The following COL5A1 variants were observed in gnomAD, a reference collection of about 807,000 sequenced individuals.
COL5A1 encodes the protein collagen type V alpha 1 chain.
COL5A1 carries 16 observed loss-of-function variants against 263.7 expected under a neutral mutation model. The observed-to-expected ratio is 0.06, with a 90% confidence interval of 0.04 to 0.09. COL5A1 has a LOEUF of 0.09. Among genes scored for constraint, COL5A1 ranks in the 10% least tolerant of loss-of-function variants. The pLI is 1.00. For missense variants in COL5A1, 2,036 were observed against 2,540.5 expected, an observed-to-expected ratio of 0.80 and a Z score of 4.27; for synonymous variants, 1,012 against 1,004.5, an observed-to-expected ratio of 1.01 and a Z score of -0.14.
At chr9:134,703,934 C>T (rs138377754) in intron 4 of COL5A1, among the ~76,000 whole-genome samples, 187 of 152,202 alleles carry the variant, frequency 1.2e-3, no homozygotes, top group African/African-American at 4.1e-3. Flanking sequence ...CCACCGCGCC[C>T]GGCCTCAGGG....
At chr9:134,724,723 C>T (rs1433170036) in intron 4 of COL5A1, among the ~76,000 whole-genome samples, 3 of 152,142 alleles carry the variant, frequency 2.0e-5, no homozygotes, top group Non-Finnish European at 4.4e-5. Flanking sequence ...AGCGCAAAGC[C>T]ACGTCACAGC....
rs1287630115 is a variant in COL5A1 at position 134,728,750 on chromosome 9, G to A, written c.867G>A (p.Glu289=). 1 of 1,614,086 alleles carries A rather than the reference G, an allele frequency of 6.2e-7. No individual in the cohort carries two copies. The highest frequency in any genetic ancestry group is 8.5e-7 in the Non-Finnish European group (1 of 1,180,044). Reference sequence around the variant, plus strand: ...AAGACCCCGAAGACCTAGGGAAGGAGCCCACCCCCAGCAAGAAGCCCGTGG... The same window carrying A: ...AAGACCCCGAAGACCTAGGGAAGGAACCCACCCCCAGCAAGAAGCCCGTGG... The part of the protein sequence containing the change: ...YYEDPEDLGK[E]PTPSKKPVEA... The change falls in exon 6 of 66, where the codon GAG becomes GAA. Residue 289 remains glutamate (E), a synonymous_variant. Coordinates refer to ENST00000371817, the MANE Select transcript of COL5A1 (RefSeq NM_000093.5).
rs946472562 is a variant in COL5A1 at position 134,758,437 on chromosome 9, C to T, written c.1935+141C>T. The T allele has an allele frequency of 4.5e-5, 37 of 817,232 alleles. No homozygotes were observed. The highest frequency in any genetic ancestry group is 1.6e-4 in the South Asian group (11 of 67,534). 50.6% of individuals were successfully genotyped at this position (817,232 alleles called of 1,614,324 possible). A position where few individuals can be genotyped will look rare whatever the true frequency, so the allele number is the denominator to read the frequency against. On this transcript the variant is annotated intron_variant, in intron 18 of 65. Coordinates refer to ENST00000371817, the MANE Select transcript of COL5A1 (RefSeq NM_000093.5). This position sits in a 1 kb window ranked among gnomAD's most constrained non-coding sequence, Gnocchi z 4.1. ...TCCAACAGTCAGTATACAAACCTCA[C>T]GGGAGTCAGCAATGGCAGTGAGCCC...
chr9:134,774,007 C>T (rs1283617852), intron 26 of COL5A1, among the ~76,000 whole-genome samples: 1 of 152,216 alleles, frequency 6.6e-6, no homozygotes. Context: ...GAGGCAGCAC[C>T]TGGGGCCACC....
intron 2 of COL5A1, among the ~76,000 whole-genome samples, chr9:134,694,483 C>T (rs898353386): frequency 8.5e-5 from 13 of 152,242 alleles, no homozygotes; most frequent in African/African-American, 1.2e-4. Context: ...CTAGGCCACC[C>T]TCCTCAGGGG....
chr9:134,778,080 G>A (rs1451528612), intron 27 of COL5A1, among the ~76,000 whole-genome samples: 18 of 152,154 alleles, frequency 1.2e-4, no homozygotes, highest in Admixed American at 1.2e-3. Context: ...TTCTGGGGCT[G>A]TTGTCTCTGA....
At chr9:134,802,201 T>C (rs937940952) in intron 38 of COL5A1, among the ~76,000 whole-genome samples, 194 bp downstream of exon 38, 1 of 152,154 alleles carries the variant, frequency 6.6e-6, no homozygotes. Context: ...GTGTTTGCCC[T>C]CAACACAAAC....
In COL5A1 at chr9:134,796,405, C is replaced by T. The variant is rs756440511; in HGVS notation, c.2831C>T (p.Pro944Leu). The T allele has an allele frequency of 6.2e-7, 1 of 1,614,184 alleles. No homozygotes were observed. Among genetic ancestry groups the T allele is most frequent in the South Asian group, 1.1e-5 (1 of 91,090 alleles). Residue 944 changes from proline to leucine, a missense_variant, in exon 35 of 66, where the codon CCT becomes CTT. Physicochemically the swap from Pro to Leu is moderately conservative, Grantham distance 98 (BLOSUM62 -3). Around this residue, in one of 3 missense-constraint regions of COL5A1, gnomAD observed 1,078 missense variants for 1,521.4 expected, o/e 0.71. Coordinates refer to ENST00000371817, the MANE Select transcript of COL5A1 (RefSeq NM_000093.5). The stretch of plus-strand genomic sequence containing the variant: ...TCCGGAGGTGACGGCCCAGCTGGCC[C>T]TCCTGGTGAACGGGTAAGCAGCTGG... Reference protein sequence around the residue: ...GNSGGDGPAGPPGERGPNGPQ... With the variant: ...GNSGGDGPAGLPGERGPNGPQ...
At chr9:134,832,725 C>T (rs1839690951) in intron 64 of COL5A1, 1 of 152,292 alleles carries the variant, frequency 6.6e-6, no homozygotes, top group African/African-American at 2.4e-5. Context: ...GGTTGGTATT[C>T]ACTTTTCCTC....
intron 43 of COL5A1, among the ~76,000 whole-genome samples, chr9:134,809,499 G>A (rs1002626739): frequency 3.3e-5 from 5 of 152,268 alleles, no homozygotes; most frequent in South Asian, 4.2e-4. Context: ...CGGCACGCTC[G>A]AGGGACTTAG....
At chr9:134,830,077 A>C in intron 64 of COL5A1, 33 bp downstream of exon 64, 1 of 1,613,294 alleles carries the variant, frequency 6.2e-7, no homozygotes. Flanking sequence ...TGCGGTTGTC[A>C]CTTTAAACCC....
intron 1 of COL5A1, among the ~76,000 whole-genome samples, chr9:134,669,254 TCCC>T (rs1564376363): frequency 4.5e-5 from 3 of 65,942 alleles, no homozygotes; most frequent in Non-Finnish European, 8.4e-5. Context: ...TCCCTTCCCT[TCCC>T]TTCCCTTCCC....
chr9:134,724,582 C>T (rs1291053471), intron 4 of COL5A1, among the ~76,000 whole-genome samples: 5 of 152,198 alleles, frequency 3.3e-5, no homozygotes, highest in East Asian at 1.9e-4. Context: ...CAAAAGTCTT[C>T]GTGGAAGAGA....
chr9:134,731,573 GAAC>G lies in COL5A1; in HGVS notation c.1243_1245del (p.Asn415del). The G allele has an allele frequency of 6.2e-7, 1 of 1,614,188 alleles. No homozygotes were observed. Among genetic ancestry groups the G allele is most frequent in the Middle Eastern group, 1.6e-4 (1 of 6,062 alleles). ...AGGAAACGATCCGGAACCTTGACGA[GAAC>G]TACTACGACCCCTACTACGACCCCA... On this transcript the variant is annotated inframe_deletion, in exon 8 of 66. Transcript: ENST00000371817.
intron 63 of COL5A1, among the ~76,000 whole-genome samples, chr9:134,829,592 C>T (rs1839502743): frequency 6.8e-6 from 1 of 146,942 alleles, no homozygotes; most frequent in Non-Finnish European, 1.5e-5. Context: ...CGTGGCCTCC[C>T]TAAGGGCCGG....
In COL5A1 at chr9:134,818,879, C is replaced by T. The variant is rs201875250; in HGVS notation, c.4370C>T (p.Pro1457Leu). 119 of 1,613,072 alleles carry T rather than the reference C, an allele frequency of 7.4e-5. 1 individual carries two copies. The East Asian group carries it at 1.6e-3, about 22-fold the overall frequency. Reference sequence around the variant, plus strand: ...CAAGGTCTCCCAGGATCCCCAGGCCCGGACGGTCCCCCCGGCCCCATGGTG... The same window carrying T: ...CAAGGTCTCCCAGGATCCCCAGGCCTGGACGGTCCCCCCGGCCCCATGGTG... ...GEQGLPGSPG[P>L]DGPPGPMGPP... The change falls in exon 56 of 66, where the codon CCG becomes CTG. Residue 1457 changes from proline (P) to leucine (L), a missense_variant. Physicochemically the swap from Pro to Leu is moderately conservative, Grantham distance 98. This residue lies in a region of COL5A1 where 1,078 missense variants were observed against 1,521.4 expected (regional missense o/e 0.71). Coordinates refer to ENST00000371817, the MANE Select transcript of COL5A1 (RefSeq NM_000093.5). This position sits in a 1 kb window ranked among gnomAD's most constrained non-coding sequence, Gnocchi z 6.0.
At chr9:134,830,977 G>C (rs945837460) in intron 64 of COL5A1, among the ~76,000 whole-genome samples, 2 of 152,218 alleles carry the variant, frequency 1.3e-5, no homozygotes, top group African/African-American at 4.8e-5. Context: ...AACACAAGAC[G>C]GGTTCCGGGT....
In COL5A1 at chr9:134,789,819, C is replaced by T. The variant is rs141322212; in HGVS notation, c.2700+611C>T. On this transcript the variant is annotated intron_variant, in intron 32 of 65. Coordinates refer to ENST00000371817, the MANE Select transcript of COL5A1 (RefSeq NM_000093.5). This position sits in a 1 kb window ranked among gnomAD's most constrained non-coding sequence, Gnocchi z 4.8. ...GCTGGCCCAGGCCTCCCTGCAGGAGCGGTCCTGGATGCTTGTTAGTGAAAT... is the reference window on the plus strand; with the variant it reads ...GCTGGCCCAGGCCTCCCTGCAGGAGTGGTCCTGGATGCTTGTTAGTGAAAT... Among the ~76,000 whole-genome samples the T allele has an allele frequency of 1.7e-3, 260 of 152,316 alleles. No individual in the cohort carries two copies. Among genetic ancestry groups the T allele is most frequent in the Non-Finnish European group, 3.0e-3 (201 of 68,040 alleles).
chr9:134,810,145 A>G, intron 43 of COL5A1, 110 bp from the exon 44 acceptor site: 5 of 1,203,550 alleles, frequency 4.2e-6, no homozygotes, highest in Non-Finnish European at 6.2e-6. Flanking sequence ...TTTTAGGGCC[A>G]CCTGGAAAGG....
Sources: gnomAD v4.1 joint callset for allele counts (sites outside exome capture counted in the v4.1 genomes callset) on GRCh38, gnomAD v4.1.1 for gene constraint, gnomAD v4.1.1 regional missense constraint, Gnocchi (gnomAD v3.1) non-coding constraint, MANE v1.5 for transcripts, NCBI Gene and HGNC (gene_info 2026-07-23, HGNC 2026-07-21) for gene names.